TMPRSS11D: variants seen among roughly 807,000 people sequenced by gnomAD.
The protein encoded by TMPRSS11D is transmembrane protease serine 11D.
In TMPRSS11D, 32 loss-of-function variants were observed where a neutral mutation model predicts 44.4. The observed-to-expected ratio is 0.72, with a 90% CI of 0.54 to 0.97. TMPRSS11D has a LOEUF of 0.97. TMPRSS11D is among the 50% of genes least tolerant of loss of function. The pLI is 0.00. For missense variants in TMPRSS11D, 446 were observed against 502.6 expected (o/e 0.89, Z 1.08); for synonymous variants, 179 against 177.9 (o/e 1.01, Z -0.05).
intron 3 of TMPRSS11D, among the ~76,000 whole-genome samples, chr4:67,845,905 A>G (rs1221657266): frequency 2.0e-5 from 3 of 152,168 alleles, no homozygotes; most frequent in Non-Finnish European, 4.4e-5. Flanking sequence ...CACTGCACAC[A>G]GGATATCTAT....
At chr4:67,873,023 G>GA (rs1719100276) in intron 1 of TMPRSS11D, among the ~76,000 whole-genome samples, 1 of 152,130 alleles carries the variant, frequency 6.6e-6, no homozygotes, top group African/African-American at 2.4e-5. Context: ...GACTCATGGA[G>GA]ATGTGTCACA....
intron 1 of TMPRSS11D, among the ~76,000 whole-genome samples, chr4:67,876,566 A>G (rs1719195226): frequency 1.3e-5 from 2 of 152,202 alleles, no homozygotes; most frequent in East Asian, 1.9e-4. Flanking sequence ...TTAGCAATGG[A>G]AGAGAGTTTC....
chr4:67,821,630 T>A lies in TMPRSS11D; in HGVS notation c.*707A>T, dbSNP rs577954321. 57 of 152,330 alleles carry A rather than the reference T, an allele frequency of 3.7e-4. 1 individual carries two copies. The highest frequency in any genetic ancestry group is 1.3e-3 in the African/African-American group (56 of 41,578). 9.4% of individuals were successfully genotyped at this position (152,330 alleles called of 1,614,324 possible). ...GTCTCTCCTTTATGTAGATGAGTGA[T>A]ATTTTTCATGGGTCATCATGAAAAA... On this transcript the variant is annotated 3_prime_UTR_variant, in exon 10 of 10. Transcript: ENST00000283916.
chr4:67,822,481 T>A lies in TMPRSS11D; in HGVS notation c.1113A>T (p.Pro371=), dbSNP rs745831732. Residue 371 remains proline (P), a synonymous_variant, in exon 10 of 10, where the codon CCA becomes CCT. Coordinates refer to ENST00000283916, the MANE Select transcript of TMPRSS11D (RefSeq NM_004262.3). ...VDACQGDSGG[P]LVQEDSRRLW... is the part of the protein sequence containing the mutation. ...GCCGCCGTGAGTCTTCTTGTACTAG[T>A]GGGCCACCAGAGTCACCCTGTAAAA... The A allele has an allele frequency of 4.3e-6, 7 of 1,613,890 alleles. No homozygotes were observed. Among genetic ancestry groups the A allele is most frequent in the Middle Eastern group, 1.7e-4 (1 of 6,056 alleles).
At chr4:67,830,671 G>C (rs1717923624) in intron 7 of TMPRSS11D, among the ~76,000 whole-genome samples, 1 of 151,960 alleles carries the variant, frequency 6.6e-6, no homozygotes, top group African/African-American at 2.4e-5. Flanking sequence ...GTTCTGAAGA[G>C]ACTCTTTTTT....
chr4:67,842,924 T>C (rs151326513), intron 3 of TMPRSS11D, among the ~76,000 whole-genome samples: 16 of 152,310 alleles, frequency 1.1e-4, no homozygotes, highest in African/African-American at 3.8e-4. Context: ...TTATATGGCT[T>C]GGTGGCTTTT....
In TMPRSS11D at chr4:67,827,276, C is replaced by G. The variant is rs370881465; in HGVS notation, c.937G>C (p.Ala313Pro). ...GSTAYVTGWG[A>P]QEYAGHTVPE... ...AGACACTTACCAGCATATTCTTGAGCGCCCCATCCTGTTACATAAGCAGTA... is the reference window on the plus strand; with the variant it reads ...AGACACTTACCAGCATATTCTTGAGGGCCCCATCCTGTTACATAAGCAGTA... The change falls in exon 8 of 10, where the codon GCT (alanine) becomes CCT (proline). Residue 313 changes from alanine (A) to proline (P), a missense_variant. Ala to Pro is a conservative substitution (Grantham distance 27). Coordinates refer to ENST00000283916, the MANE Select transcript of TMPRSS11D (RefSeq NM_004262.3). 1.9e-6 allele frequency: 3 copies of G among 1,600,974 alleles called. No homozygotes were observed. In the Admixed American group the frequency reaches 5.3e-5, roughly 28 times the overall value.
In TMPRSS11D at chr4:67,830,657, G is replaced by A. The variant is rs931681718; in HGVS notation, c.692+2547C>T. 2.0e-5 allele frequency among the ~76,000 whole-genome samples: 3 copies of A among 152,022 alleles called. No homozygotes were observed. The South Asian group carries it at 6.2e-4, about 32-fold the overall frequency. On this transcript the variant is annotated intron_variant, in intron 7 of 9. Coordinates refer to ENST00000283916, the MANE Select transcript of TMPRSS11D (RefSeq NM_004262.3). ...TTCTTTTGCTCGGAGTCTTTACAGT[G>A]AAGGTTCTGAAGAGACTCTTTTTTC...
intron 9 of TMPRSS11D, among the ~76,000 whole-genome samples, chr4:67,824,449 T>C (rs1009059381): frequency 1.3e-5 from 2 of 152,080 alleles, no homozygotes; most frequent in African/African-American, 4.8e-5. Flanking sequence ...AAAGCTGTCA[T>C]GAAACTTGAG....
intron 4 of TMPRSS11D, among the ~76,000 whole-genome samples, chr4:67,840,068 GATA>G: frequency 6.7e-6 from 1 of 150,142 alleles, no homozygotes; most frequent in African/African-American, 2.4e-5. Context: ...TCTGGAGGTA[GATA>G]TGTTAAGTCT....
chr4:67,875,364 G>C (rs189724539), intron 1 of TMPRSS11D, among the ~76,000 whole-genome samples: 61 of 152,240 alleles, frequency 4.0e-4, no homozygotes, highest in African/African-American at 1.4e-3. Context: ...ATTGAATGAA[G>C]AATCAGCAAG....
intron 1 of TMPRSS11D, among the ~76,000 whole-genome samples, chr4:67,870,321 A>G (rs1405925666): frequency 6.6e-6 from 1 of 151,984 alleles, no homozygotes; most frequent in African/African-American, 2.4e-5. Context: ...CTACCTCCAT[A>G]TCCTATTCCA....
chr4:67,865,200 A>C (rs1271245172), intron 1 of TMPRSS11D, among the ~76,000 whole-genome samples: 2 of 151,860 alleles, frequency 1.3e-5, no homozygotes, highest in Non-Finnish European at 2.9e-5. Flanking sequence ...ACTAGAAATC[A>C]ATACCAGGAG....
At chr4:67,844,014 T>C (rs760522009) in intron 3 of TMPRSS11D, among the ~76,000 whole-genome samples, 2 of 152,242 alleles carry the variant, frequency 1.3e-5, no homozygotes, top group Non-Finnish European at 2.9e-5. Flanking sequence ...ATGTTTCTCC[T>C]GAGGCATAAC....
chr4:67,840,910 C>T (rs959302931), intron 4 of TMPRSS11D, among the ~76,000 whole-genome samples: 1 of 151,930 alleles, frequency 6.6e-6, no homozygotes, highest in Non-Finnish European at 1.5e-5. Flanking sequence ...AAATTGAAAA[C>T]GCAATAAATG....
intron 1 of TMPRSS11D, among the ~76,000 whole-genome samples, chr4:67,860,802 G>C (rs1255124958): frequency 7.2e-5 from 11 of 152,116 alleles, no homozygotes; most frequent in Non-Finnish European, 1.6e-4. Flanking sequence ...TCTGGTATAA[G>C]TGAGAAGGGT....
At chr4:67,839,606 G>A (rs1027937410) in intron 4 of TMPRSS11D, among the ~76,000 whole-genome samples, 1 of 151,916 alleles carries the variant, frequency 6.6e-6, no homozygotes, top group Non-Finnish European at 1.5e-5. Flanking sequence ...TTAGAAAAAG[G>A]CCAGGAGTCT....
chr4:67,879,458 C>T (rs1279021477), intron 1 of TMPRSS11D, among the ~76,000 whole-genome samples: 37 of 125,100 alleles, frequency 3.0e-4, no homozygotes, highest in African/African-American at 1.0e-3. Flanking sequence ...GGCGACAGAG[C>T]GAGACTCCTT....
At chr4:67,878,265 TAAAC>T (rs1490197122) in intron 1 of TMPRSS11D, among the ~76,000 whole-genome samples, 1 of 152,222 alleles carries the variant, frequency 6.6e-6, no homozygotes, top group Non-Finnish European at 1.5e-5. Flanking sequence ...GTCATCGTAT[TAAAC>T]AAATCATAAT....
Sources: gnomAD v4.1 joint callset for allele counts (sites outside exome capture counted in the v4.1 genomes callset) on GRCh38, gnomAD v4.1.1 for gene constraint, MANE v1.5 for transcripts, NCBI Gene and HGNC (gene_info 2026-07-23, HGNC 2026-07-21) for gene names.